The following TMEM63C variants were observed in gnomAD, a reference collection of about 807,000 sequenced individuals.
TMEM63C encodes transmembrane protein 63C, also known as osmosensitive cation channel TMEM63C.
In TMEM63C, 32 loss-of-function variants were observed where a neutral mutation model predicts 99.2. The observed-to-expected ratio is 0.32, with a 90% CI of 0.24 to 0.43. The LOEUF (loss-of-function observed/expected upper bound fraction) is 0.43. Ranked by LOEUF, TMEM63C falls within the 20% of genes least tolerant of loss-of-function variation. TMEM63C has a pLI of 1.00. For synonymous variants in TMEM63C, 376 were observed against 397.9 expected (o/e 0.94, Z 0.66); for missense variants, 826 against 1,053.0 (o/e 0.78, Z 2.98).
chr14:77,245,901 G>A (rs771409751), intron 16 of TMEM63C, 39 bp from the exon 17 acceptor site: 3 of 1,507,510 alleles, frequency 2.0e-6, no homozygotes, highest in South Asian at 2.2e-5. Context: ...TTCTTATTAG[G>A]CCACGTCCAT....
chr14:77,206,208 C>T (rs961315166), intron 1 of TMEM63C, among the ~76,000 whole-genome samples: 2 of 151,070 alleles, frequency 1.3e-5, no homozygotes, highest in Non-Finnish European at 3.0e-5. Flanking sequence ...TACCATCTTC[C>T]ACTGATCCAT....
In TMEM63C at chr14:77,213,426, CCG is replaced by C. The variant is rs1258129722; in HGVS notation, c.-76-17_-76-16del. ...GTCTGTAAGTCTTGTGGTCTCTCCA[CCG>C]CGTGTGTTCTTTTGCAGCAGCCCCG... is the stretch of plus-strand genomic sequence containing the variant. On this transcript the variant is annotated intron_variant, in intron 1 of 23. Transcript: ENST00000298351. 1 of 152,224 alleles carries C rather than the reference CCG, an allele frequency of 6.6e-6. No individual in the cohort carries two copies. The highest frequency in any genetic ancestry group is 1.9e-4 in the East Asian group (1 of 5,196). 9.4% of individuals were successfully genotyped at this position (152,224 alleles called of 1,614,324 possible).
chr14:77,242,725 G>A (rs775962767), intron 14 of TMEM63C, among the ~76,000 whole-genome samples, 178 bp from the exon 15 acceptor site: 26 of 152,132 alleles, frequency 1.7e-4, no homozygotes, highest in Non-Finnish European at 3.1e-4. Context: ...CTATGCTCTG[G>A]ATCCTTTATA....
rs1889191046 is a variant in TMEM63C, at chr14:77,242,280, G to A, written c.1065-67G>A. 5 of 1,570,108 alleles carry A rather than the reference G, an allele frequency of 3.2e-6. No individual in the cohort carries two copies. In the Admixed American group the frequency reaches 6.9e-5, roughly 22 times the overall value. On this transcript the variant is annotated intron_variant, in intron 13 of 23. Coordinates refer to ENST00000298351, the MANE Select transcript of TMEM63C (RefSeq NM_020431.4). ...CATAGTGGCCCTGAGCTCCTGGCAT[G>A]AGACCCTCCTAAGCCCATCCCCCCA...
At chr14:77,210,652 A>C (rs988193924) in intron 1 of TMEM63C, among the ~76,000 whole-genome samples, 12 of 152,064 alleles carry the variant, frequency 7.9e-5, no homozygotes, top group Admixed American at 5.9e-4. Flanking sequence ...GAGAAGGGGC[A>C]AGGGGTGGTG....
Position 77,248,497 on chromosome 14 carries a change from C to G in TMEM63C, c.1752C>G (p.Val584=). The change falls in exon 19 of 24, where the codon GTC becomes GTG. Residue 584 remains valine, a synonymous_variant. Coordinates refer to ENST00000298351, the MANE Select transcript of TMEM63C (RefSeq NM_020431.4). The part of the protein sequence containing the change: ...LFFSRSEPER[V]NIRKNQAIDF... ...TCTCTAGATCAGAGCCAGAGAGAGTCAACATCAGAAAGGTACAGACTGGCT... is the reference window on the plus strand; with the variant it reads ...TCTCTAGATCAGAGCCAGAGAGAGTGAACATCAGAAAGGTACAGACTGGCT... The G allele has an allele frequency of 1.3e-6, 2 of 1,586,428 alleles. No individual in the cohort carries two copies. The highest frequency in any genetic ancestry group is 1.7e-6 in the Non-Finnish European group (2 of 1,166,382).
intron 1 of TMEM63C, among the ~76,000 whole-genome samples, chr14:77,192,389 A>G (rs1417474723): frequency 6.6e-6 from 1 of 151,580 alleles, no homozygotes; most frequent in Non-Finnish European, 1.5e-5. Flanking sequence ...CAAGCACTTC[A>G]CTCTGAGTTT....
chr14:77,228,280 T>C (rs80287509), intron 6 of TMEM63C, among the ~76,000 whole-genome samples: 2,828 of 152,170 alleles, frequency 0.019, 81 homozygotes, highest in African/African-American at 0.065. Flanking sequence ...CTCAGTGCCA[T>C]CCAGTCCTGT....
At chr14:77,223,874 T>C (rs552270870) in intron 5 of TMEM63C, among the ~76,000 whole-genome samples, 1 of 152,232 alleles carries the variant, frequency 6.6e-6, no homozygotes, top group Admixed American at 6.5e-5. Flanking sequence ...AGAAAGCTAC[T>C]TGTTCCCTTA....
chr14:77,225,545 A>G (rs1446567135), intron 6 of TMEM63C, 84 bp downstream of exon 6: 1 of 1,451,200 alleles, frequency 6.9e-7, no homozygotes, highest in African/African-American at 1.4e-5. Flanking sequence ...AGCAGCCCCC[A>G]GCCTGGGAAG....
chr14:77,214,345 G>T (rs560254369), intron 2 of TMEM63C, among the ~76,000 whole-genome samples: 1 of 152,046 alleles, frequency 6.6e-6, no homozygotes, highest in African/African-American at 2.4e-5. Flanking sequence ...ATGAGTGAGC[G>T]TTGGAGCTGA....
chr14:77,182,472 G>C (rs8017067), intron 1 of TMEM63C, among the ~76,000 whole-genome samples: 66,193 of 152,108 alleles, frequency 0.44, 14,894 homozygotes, highest in Admixed American at 0.5. Context: ...CCTTGAGAGA[G>C]GAACGTTGTG....
At position 77,256,999 on chromosome 14, in the gene TMEM63C, G is replaced by A. The variant is rs986746319; in HGVS notation, c.*273G>A. ...TCTTGAGAGAGGTGGCTGGAGCCCC[G>A]GCACAGAGACTGAACGCTGGGGTCC... On this transcript the variant is annotated 3_prime_UTR_variant, in exon 24 of 24. Coordinates refer to ENST00000298351, the MANE Select transcript of TMEM63C (RefSeq NM_020431.4). The A allele has an allele frequency of 2.0e-4, 86 of 438,194 alleles. No individual in the cohort carries two copies. Among genetic ancestry groups the A allele is most frequent in the African/African-American group, 1.1e-3 (54 of 50,780 alleles). 27.1% of individuals were successfully genotyped at this position (438,194 alleles called of 1,614,324 possible).
At chr14:77,249,573 C>A (rs2287385) in intron 21 of TMEM63C, 115 bp downstream of exon 21, 180,601 of 1,167,868 alleles carry the variant, frequency 0.15, 14,695 homozygotes, top group African/African-American at 0.25. Context: ...ACGCTGCTCA[C>A]CAGACCTGGC....
chr14:77,221,361 C>A lies in TMEM63C; in HGVS notation c.312+1274C>A, dbSNP rs187219933. Among the ~76,000 whole-genome samples the A allele has an allele frequency of 1.4e-4, 11 of 76,932 alleles. No homozygotes were observed. In the East Asian group the frequency reaches 4.2e-3, roughly 30 times the overall value. The allele number at this position is 76,932 out of a possible 152,430, so 50.5% of individuals were successfully genotyped here. A position where few individuals can be genotyped will look rare whatever the true frequency, so the allele number is the denominator to read the frequency against. On this transcript the variant is annotated intron_variant, in intron 5 of 23. Coordinates refer to ENST00000298351, the MANE Select transcript of TMEM63C (RefSeq NM_020431.4). ...TCACGCCCCCTCCCACTCACGCCTC[C>A]CCTCCCACTCATGCCTCACCTCCCA... is the stretch of plus-strand genomic sequence containing the variant.
chr14:77,246,055 C>T, intron 17 of TMEM63C, 29 bp downstream of exon 17: 13 of 1,542,586 alleles, frequency 8.4e-6, no homozygotes, highest in Non-Finnish European at 1.2e-5. Flanking sequence ...TCCCTTCCTT[C>T]TTAGCCAGGC....
At chr14:77,228,257 G>T (rs1888867408) in intron 6 of TMEM63C, among the ~76,000 whole-genome samples, 1 of 152,156 alleles carries the variant, frequency 6.6e-6, no homozygotes, top group Admixed American at 6.5e-5. Flanking sequence ...CCCAGGAAGA[G>T]AATTCTAGTG....
chr14:77,186,791 G>GTGTGTC (rs1555345692), intron 1 of TMEM63C, among the ~76,000 whole-genome samples: 10 of 118,232 alleles, frequency 8.5e-5, no homozygotes, highest in African/African-American at 3.7e-4. Context: ...GTGTGTGTGT[G>GTGTGTC]TGTGTGTGTC....
intron 8 of TMEM63C, among the ~76,000 whole-genome samples, chr14:77,235,475 T>C (rs563579307): frequency 0.75 from 2,638 of 3,500 alleles, 1,145 homozygotes; most frequent in Admixed American, 0.87. Context: ...GAGACTGTGG[T>C]GGGTGGGGGG....
Sources: allele counts gnomAD v4.1 joint callset (sites outside exome capture counted in the v4.1 genomes callset), GRCh38; gene constraint gnomAD v4.1.1; transcripts MANE v1.5; gene names NCBI Gene and HGNC (gene_info 2026-07-23, HGNC 2026-07-21).